The following DSCAML1 variants were observed in gnomAD, a reference collection of about 807,000 sequenced individuals.
DSCAML1 encodes DS cell adhesion molecule like 1.
A neutral mutation model predicts 200.5 loss-of-function variants in DSCAML1; 38 were observed. That is an observed-to-expected ratio of 0.19 (90% CI 0.15 to 0.25). The LOEUF (loss-of-function observed/expected upper bound fraction) is 0.25, where lower values mean the gene tolerates loss of function less well. DSCAML1 is among the 10% of genes least tolerant of loss of function. The pLI is 1.00. For synonymous variants in DSCAML1, 1,215 were observed against 1,165.0 expected (o/e 1.04, Z -0.87); for missense variants, 2,223 against 2,858.8 (o/e 0.78, Z 5.07).
intron 3 of DSCAML1, among the ~76,000 whole-genome samples, chr11:117,721,376 A>T (rs1323726844): frequency 3.9e-5 from 6 of 152,184 alleles, no homozygotes; most frequent in Non-Finnish European, 8.8e-5. Context: ...GTCACTCTCC[A>T]GGTGCCAAGG....
intron 11 of DSCAML1, among the ~76,000 whole-genome samples, chr11:117,484,727 G>A (rs191332235): frequency 1.8e-4 from 28 of 152,322 alleles, no homozygotes; most frequent in African/African-American, 6.5e-4. Context: ...CATTGCAGAT[G>A]CCTCCATTTT....
chr11:117,620,800 A>T (rs1198326601), intron 3 of DSCAML1, among the ~76,000 whole-genome samples: 1 of 152,208 alleles, frequency 6.6e-6, no homozygotes, highest in Non-Finnish European at 1.5e-5. Context: ...TTCATCACTT[A>T]TTAGCTGTGT....
chr11:117,719,652 T>G (rs1397096494), intron 3 of DSCAML1, among the ~76,000 whole-genome samples: 1 of 152,264 alleles, frequency 6.6e-6, no homozygotes, highest in Non-Finnish European at 1.5e-5. Flanking sequence ...ATACCCATTT[T>G]ATAGATGACA....
intron 19 of DSCAML1, among the ~76,000 whole-genome samples, chr11:117,451,906 TCTAA>T: frequency 6.6e-6 from 1 of 152,202 alleles, no homozygotes; most frequent in African/African-American, 2.4e-5. Context: ...GCATTCTGTC[TCTAA>T]CTCTCAGCTG....
intron 3 of DSCAML1, among the ~76,000 whole-genome samples, chr11:117,766,158 C>T (rs2054894651): frequency 6.6e-6 from 1 of 152,250 alleles, no homozygotes; most frequent in South Asian, 2.1e-4. Context: ...TTACCCAGCA[C>T]AGGCCTCCGC....
chr11:117,517,226 C>A (rs141997333), intron 7 of DSCAML1, among the ~76,000 whole-genome samples: 2 of 152,290 alleles, frequency 1.3e-5, no homozygotes, highest in South Asian at 4.1e-4. Context: ...GGAAGGTCTT[C>A]GCCAGGTGAG....
chr11:117,539,606 C>CAAAAAAAAAAAAA lies in DSCAML1; in HGVS notation c.512-7097_512-7085dup, dbSNP rs35130897. 4.9e-4 allele frequency among the ~76,000 whole-genome samples: 26 copies of CAAAAAAAAAAAAA among 52,600 alleles called. 1 individual carries two copies. Among genetic ancestry groups the CAAAAAAAAAAAAA allele is most frequent in the African/African-American group, 8.9e-4 (11 of 12,354 alleles). The allele number at this position is 52,600 out of a possible 152,430, so 34.5% of individuals were successfully genotyped here. A position where few individuals can be genotyped will look rare whatever the true frequency, so the allele number is the denominator to read the frequency against. On this transcript the variant is annotated intron_variant, in intron 3 of 32. Coordinates refer to ENST00000651296, the MANE Select transcript of DSCAML1 (RefSeq NM_020693.4). ...CTGGGCAACAAGAGTAAAACTCTGT[C>CAAAAAAAAAAAAA]AAAAAAAAAAAAAAAAAAAAAAAAG...
chr11:117,807,519 G>A (rs2055716899), intron 1 of DSCAML1, among the ~76,000 whole-genome samples: 1 of 152,210 alleles, frequency 6.6e-6, no homozygotes, highest in South Asian at 2.1e-4. Context: ...TCATGAGCTG[G>A]GAGGACCAAG....
At chr11:117,553,851 C>A (rs1591258574) in intron 3 of DSCAML1, among the ~76,000 whole-genome samples, 1 of 152,346 alleles carries the variant, frequency 6.6e-6, no homozygotes, top group East Asian at 1.9e-4. Flanking sequence ...TATTTGTACA[C>A]CCATGCTCGG....
At position 117,518,667 on chromosome 11, in the gene DSCAML1, G is replaced by A. The variant is rs1460426419; in HGVS notation, c.1309C>T (p.Pro437Ser). The A allele has an allele frequency of 3.7e-6, 6 of 1,613,222 alleles. No homozygotes were observed. The highest frequency in any genetic ancestry group is 1.3e-5 in the African/African-American group (1 of 74,940). ...TCGTCGAGGGCCCAGGTGACCGTGGGGGGCGGGGCGCCCTTGGCCGCACAC... is the reference window on the plus strand; with the variant it reads ...TCGTCGAGGGCCCAGGTGACCGTGGAGGGCGGGGCGCCCTTGGCCGCACAC... ...LMCAAKGAPP[P>S]TVTWALDDEP... The change falls in exon 7 of 33, where the codon CCC (proline) becomes TCC (serine). Residue 437 changes from proline (P) to serine (S), a missense_variant. Pro to Ser is a moderately conservative substitution (Grantham distance 74). This residue lies in a region of DSCAML1 where 579 missense variants were observed against 721.5 expected (regional missense o/e 0.80). Transcript: ENST00000651296. This position sits in a 1 kb window ranked among gnomAD's most constrained non-coding sequence, Gnocchi z 6.3.
At chr11:117,452,991 T>C (rs2048308265) in intron 19 of DSCAML1, among the ~76,000 whole-genome samples, 1 of 152,158 alleles carries the variant, frequency 6.6e-6, no homozygotes, top group Non-Finnish European at 1.5e-5. Flanking sequence ...AGTGCAGTGG[T>C]GTGGTCTCGG....
chr11:117,654,410 T>C (rs583983), intron 3 of DSCAML1, among the ~76,000 whole-genome samples: 107,457 of 152,084 alleles, frequency 0.71, 38,793 homozygotes, highest in African/African-American at 0.85. Flanking sequence ...TGACTATTCC[T>C]GGAATTGGGA....
At chr11:117,438,318 C>CG (rs200724833) in intron 24 of DSCAML1, among the ~76,000 whole-genome samples, 24,178 of 125,338 alleles carry the variant, frequency 0.19, 2,084 homozygotes, top group African/African-American at 0.27. Flanking sequence ...GTCCAGCCCC[C>CG]GGCGGGTCTG....
intron 1 of DSCAML1, among the ~76,000 whole-genome samples, chr11:117,815,698 A>G (rs2134092754): frequency 6.6e-6 from 1 of 152,152 alleles, no homozygotes; most frequent in Non-Finnish European, 1.5e-5. Flanking sequence ...CAGCAAGCCC[A>G]TAGGAGCAGG....
chr11:117,536,849 A>C (rs2050180806), intron 3 of DSCAML1, among the ~76,000 whole-genome samples: 1 of 152,080 alleles, frequency 6.6e-6, no homozygotes, highest in Non-Finnish European at 1.5e-5. Context: ...CTGTTTTGCC[A>C]TCCCCTTTTC....
At position 117,516,330 on chromosome 11, in the gene DSCAML1, G is replaced by A; in HGVS notation, c.1783+137C>T. 4 of 1,128,146 alleles carry A rather than the reference G, an allele frequency of 3.5e-6. No homozygotes were observed. The highest frequency in any genetic ancestry group is 4.9e-6 in the Non-Finnish European group (4 of 811,656). 69.9% of individuals were successfully genotyped at this position (1,128,146 alleles called of 1,614,324 possible). A position where few individuals can be genotyped will look rare whatever the true frequency, so the allele number is the denominator to read the frequency against. Reference sequence around the variant, plus strand: ...CTGCCCTGCTCCCTTTTTTCTGAATGCCAAGCTGGGGCCTCTCTTGCTCAG... The same window carrying A: ...CTGCCCTGCTCCCTTTTTTCTGAATACCAAGCTGGGGCCTCTCTTGCTCAG... On this transcript the variant is annotated intron_variant, in intron 8 of 32. Transcript: ENST00000651296. The surrounding 1 kb of genome is among the most constrained non-coding windows in gnomAD (Gnocchi z 5.7).
intron 1 of DSCAML1, among the ~76,000 whole-genome samples, chr11:117,790,298 A>C (rs1375531593): frequency 6.6e-6 from 1 of 152,180 alleles, no homozygotes; most frequent in Non-Finnish European, 1.5e-5. Context: ...TGCATCTAAG[A>C]ACCTTGGAGG....
intron 3 of DSCAML1, among the ~76,000 whole-genome samples, chr11:117,591,376 T>C (rs941823273): frequency 6.6e-6 from 1 of 152,192 alleles, no homozygotes; most frequent in African/African-American, 2.4e-5. Context: ...TGAGGAGTGA[T>C]GTATAATTGA....
intron 14 of DSCAML1, among the ~76,000 whole-genome samples, 161 bp from the exon 15 acceptor site, chr11:117,472,197 G>A (rs1429875754): frequency 1.3e-5 from 2 of 152,190 alleles, no homozygotes; most frequent in Non-Finnish European, 2.9e-5. Context: ...CACAGACGGT[G>A]CAAGGGGTCT....
Sources: gnomAD v4.1 joint callset for allele counts (sites outside exome capture counted in the v4.1 genomes callset) on GRCh38, gnomAD v4.1.1 for gene constraint, gnomAD v4.1.1 regional missense constraint, Gnocchi (gnomAD v3.1) non-coding constraint, MANE v1.5 for transcripts, NCBI Gene and HGNC (gene_info 2026-07-23, HGNC 2026-07-21) for gene names.